Variants in CNTNAP2 observed in about 807,000 individuals in gnomAD.
CNTNAP2 encodes contactin associated protein 2.
CNTNAP2 carries 98 observed loss-of-function variants against 155.2 expected under a neutral mutation model. The ratio of observed to expected loss-of-function variants is 0.63; its 90% CI spans 0.54 to 0.75. The LOEUF is 0.75. CNTNAP2 is among the 30% of genes least tolerant of loss of function. The probability of loss-of-function intolerance (pLI) is 0.00; values close to 1 mark genes in which losing one functional copy is unlikely to be tolerated. For synonymous variants in CNTNAP2, 651 were observed against 631.2 expected, an observed-to-expected ratio of 1.03 and a Z score of -0.47; for missense variants, 1,727 against 1,688.1, an observed-to-expected ratio of 1.02 and a Z score of -0.40.
At chr7:146,839,329 TAA>T (rs1346212523) in intron 2 of CNTNAP2, among the ~76,000 whole-genome samples, 53 of 152,322 alleles carry the variant, frequency 3.5e-4, no homozygotes, top group African/African-American at 1.1e-3. Context: ...TATTAAATGA[TAA>T]AGTTTACATG....
chr7:147,328,705 A>G (rs1252101149), intron 9 of CNTNAP2, among the ~76,000 whole-genome samples: 1 of 152,232 alleles, frequency 6.6e-6, no homozygotes, highest in Admixed American at 6.5e-5. Context: ...GCTTTCACTG[A>G]CAAGTAAAAA....
At chr7:146,387,461 C>G (rs375619461) in intron 1 of CNTNAP2, among the ~76,000 whole-genome samples, 1 of 152,166 alleles carries the variant, frequency 6.6e-6, no homozygotes, top group Non-Finnish European at 1.5e-5. Flanking sequence ...CTACTTCTTC[C>G]GGATGGGTAG....
intron 13 of CNTNAP2, among the ~76,000 whole-genome samples, chr7:147,829,871 C>A (rs544803529): frequency 6.6e-6 from 1 of 152,076 alleles, no homozygotes; most frequent in African/African-American, 2.4e-5. Flanking sequence ...GCCACATGGT[C>A]CCCAGTAAAG....
intron 13 of CNTNAP2, among the ~76,000 whole-genome samples, chr7:147,826,563 C>A (rs556134291): frequency 2.6e-5 from 4 of 152,292 alleles, no homozygotes; most frequent in African/African-American, 9.6e-5. Flanking sequence ...ATAGACTTAT[C>A]AAATTCAAAT....
intron 14 of CNTNAP2, among the ~76,000 whole-genome samples, chr7:147,924,933 C>T (rs566881003): frequency 6.6e-5 from 10 of 151,650 alleles, no homozygotes; most frequent in Non-Finnish European, 1.2e-4. Context: ...CTGGCTAACA[C>T]GATGAAATCC....
intron 14 of CNTNAP2, among the ~76,000 whole-genome samples, chr7:147,918,090 GGGTCTCAAAGCAAATTACACTTATTTT>G (rs1800193024): frequency 6.6e-6 from 1 of 152,152 alleles, no homozygotes; most frequent in Non-Finnish European, 1.5e-5. Context: ...TGCTTCCTGA[GGGTCTCAAAGCAAATTACACTTATTTT>G]AAAGTTATTT....
chr7:146,615,732 T>C (rs1418746433), intron 1 of CNTNAP2, among the ~76,000 whole-genome samples: 1 of 152,184 alleles, frequency 6.6e-6, no homozygotes, highest in African/African-American at 2.4e-5. Flanking sequence ...GCTTTGTGGA[T>C]CAATATCCTA....
intron 3 of CNTNAP2, among the ~76,000 whole-genome samples, chr7:146,902,311 A>G (rs1272653034): frequency 1.3e-5 from 2 of 152,100 alleles, no homozygotes; most frequent in East Asian, 3.9e-4. Context: ...CCCTCTTCTG[A>G]ATCTAAAGAA....
intron 3 of CNTNAP2, among the ~76,000 whole-genome samples, chr7:146,928,444 C>G (rs749407130): frequency 1.3e-5 from 2 of 152,034 alleles, no homozygotes; most frequent in African/African-American, 4.8e-5. Context: ...TTGTTCAATT[C>G]GGGACTCGCA....
intron 9 of CNTNAP2, among the ~76,000 whole-genome samples, chr7:147,328,155 T>C (rs1386941578): frequency 2.0e-5 from 3 of 152,148 alleles, no homozygotes; most frequent in African/African-American, 7.2e-5. Flanking sequence ...GTCATATTTT[T>C]CTTCCACATC....
At chr7:148,351,318 A>G (rs1184301949) in intron 21 of CNTNAP2, among the ~76,000 whole-genome samples, 6 of 152,122 alleles carry the variant, frequency 3.9e-5, no homozygotes. Flanking sequence ...ACGGCACTTA[A>G]GCAGGAGGCT....
chr7:147,837,529 G>C (rs916853228), intron 13 of CNTNAP2, among the ~76,000 whole-genome samples: 2 of 151,858 alleles, frequency 1.3e-5, no homozygotes, highest in Non-Finnish European at 2.9e-5. Flanking sequence ...CTTCCCAACA[G>C]TCCCCCAAAG....
chr7:148,257,824 A>G (rs1796480676), intron 20 of CNTNAP2, among the ~76,000 whole-genome samples: 1 of 152,156 alleles, frequency 6.6e-6, no homozygotes, highest in South Asian at 2.1e-4. Flanking sequence ...TGTCAATAAA[A>G]TGCTATGAGG....
chr7:147,421,012 A>G (rs1199895393), intron 10 of CNTNAP2, among the ~76,000 whole-genome samples: 1 of 152,210 alleles, frequency 6.6e-6, no homozygotes, highest in Non-Finnish European at 1.5e-5. Flanking sequence ...AGTCTTCACA[A>G]AAAAAGCTTA....
intron 1 of CNTNAP2, among the ~76,000 whole-genome samples, chr7:146,391,690 A>ATGGC (rs1795546571): frequency 2.0e-5 from 3 of 152,120 alleles, no homozygotes; most frequent in Non-Finnish European, 4.4e-5. Flanking sequence ...CTGTTCCCGC[A>ATGGC]TTAGTTTGCT....
chr7:146,230,016 C>T (rs1305223926), intron 1 of CNTNAP2, among the ~76,000 whole-genome samples: 1 of 152,138 alleles, frequency 6.6e-6, no homozygotes, highest in Admixed American at 6.6e-5. Flanking sequence ...GGATAAAAGG[C>T]ATTTTTCCAA....
intron 15 of CNTNAP2, among the ~76,000 whole-genome samples, chr7:147,980,144 T>C (rs1318068393): frequency 6.6e-6 from 1 of 152,144 alleles, no homozygotes; most frequent in Non-Finnish European, 1.5e-5. Flanking sequence ...GAAATGAACA[T>C]GAAAAAATAT....
At chr7:147,654,431 T>C (rs183414517) in intron 13 of CNTNAP2, among the ~76,000 whole-genome samples, 65 of 152,368 alleles carry the variant, frequency 4.3e-4, no homozygotes, top group African/African-American at 1.5e-3. Context: ...TCTTATTCTT[T>C]TTCCTTCCAG....
rs77372403 is a variant in CNTNAP2, at chr7:147,764,992, A to G, written c.2098+125686A>G. ...AACAACTTATTTCTGATAACTTCAT[A>G]ATGCTGCTGAAGCTGGTCGAATTTA... On this transcript the variant is annotated intron_variant, in intron 13 of 23. Coordinates refer to ENST00000361727, the MANE Select transcript of CNTNAP2 (RefSeq NM_014141.6). 6.1e-3 allele frequency among the ~76,000 whole-genome samples: 933 copies of G among 152,312 alleles called. 4 individuals carry two copies. Among genetic ancestry groups the G allele is most frequent in the African/African-American group, 0.021 (889 of 41,572 alleles).
Sources: gnomAD v4.1 joint callset for allele counts (sites outside exome capture counted in the v4.1 genomes callset) on GRCh38, gnomAD v4.1.1 for gene constraint, MANE v1.5 for transcripts, NCBI Gene and HGNC (gene_info 2026-07-23, HGNC 2026-07-21) for gene names.